TCF4: variants seen among roughly 807,000 people sequenced by gnomAD.
TCF4 encodes the protein transcription factor 4.
In TCF4, 3 loss-of-function variants were observed where a neutral mutation model predicts 82.1. That is an observed-to-expected ratio of 0.04 (90% CI 0.02 to 0.09). TCF4 has a LOEUF of 0.09. Among genes scored for constraint, TCF4 ranks in the 10% least tolerant of loss-of-function variants. TCF4 has a pLI of 1.00. For missense variants in TCF4, 518 were observed against 852.7 expected, an observed-to-expected ratio of 0.61 and a Z score of 4.89; for synonymous variants, 276 against 309.6, an observed-to-expected ratio of 0.89 and a Z score of 1.14.
At chr18:55,371,747 C>T (rs1170466183) in intron 6 of TCF4, among the ~76,000 whole-genome samples, 1 of 152,070 alleles carries the variant, frequency 6.6e-6, no homozygotes, top group Non-Finnish European at 1.5e-5. Flanking sequence ...GCACCTAGCA[C>T]GTGTCTCAAA....
chr18:55,489,455 C>T (rs190790685), intron 3 of TCF4, among the ~76,000 whole-genome samples: 281 of 152,132 alleles, frequency 1.8e-3, no homozygotes, highest in African/African-American at 5.8e-3. Context: ...AAGTACCAGG[C>T]GAGTATCAGG....
intron 8 of TCF4, among the ~76,000 whole-genome samples, chr18:55,296,951 A>G (rs956049522): frequency 2.0e-5 from 3 of 152,118 alleles, no homozygotes; most frequent in African/African-American, 7.2e-5. Context: ...AATGTCTCAT[A>G]CTATTTTTCA....
At chr18:55,409,932 T>C (rs1370631217) in intron 5 of TCF4, among the ~76,000 whole-genome samples, 1 of 152,202 alleles carries the variant, frequency 6.6e-6, no homozygotes, top group African/African-American at 2.4e-5. Flanking sequence ...AGAAGAGTAC[T>C]GGTTCTCTCC....
intron 3 of TCF4, among the ~76,000 whole-genome samples, chr18:55,545,823 A>G (rs1047655108): frequency 6.6e-6 from 1 of 152,222 alleles, no homozygotes; most frequent in Non-Finnish European, 1.5e-5. Context: ...AACAAGGGAT[A>G]CAGCAAAGAT....
At chr18:55,341,311 T>C (rs2079906356) in intron 8 of TCF4, among the ~76,000 whole-genome samples, 1 of 152,138 alleles carries the variant, frequency 6.6e-6, no homozygotes, top group Non-Finnish European at 1.5e-5. Flanking sequence ...TTTTTAAGTC[T>C]CTTGAATAAA....
intron 8 of TCF4, among the ~76,000 whole-genome samples, chr18:55,336,406 G>T (rs1377470180): frequency 6.6e-6 from 1 of 151,786 alleles, no homozygotes; most frequent in Non-Finnish European, 1.5e-5. Flanking sequence ...GTGCACGTGG[G>T]TCATTTTATG....
Position 55,582,218 on chromosome 18 carries a change from A to G in TCF4, c.145+3062T>C, listed in dbSNP as rs643638. On this transcript the variant is annotated intron_variant, in intron 3 of 19. Transcript: ENST00000354452. ...ATTTTCTTTTTTTGGTAACTTAGGT[A>G]TCCTACTTTTCAATGAGAATAATTT... Among the ~76,000 whole-genome samples the G allele has an allele frequency of 1.6e-3, 236 of 152,204 alleles. 1 individual carries two copies. Among genetic ancestry groups the G allele is most frequent in the African/African-American group, 5.6e-3 (231 of 41,556 alleles).
At chr18:55,605,132 C>A (rs1200462305) in intron 2 of TCF4, among the ~76,000 whole-genome samples, 1 of 152,146 alleles carries the variant, frequency 6.6e-6, no homozygotes, top group Non-Finnish European at 1.5e-5. Flanking sequence ...AGACTGGTAA[C>A]CCTGGCACCA....
chr18:55,273,262 G>GCATAAAGTGATGAAGGCAATGA (rs1434150832), intron 10 of TCF4, among the ~76,000 whole-genome samples: 1 of 152,094 alleles, frequency 6.6e-6, no homozygotes. Context: ...TTATAACATG[G>GCATAAAGTGATGAAGGCAATGA]CATAAAGTGA....
At chr18:55,588,629 C>T, upstream of TCF4, 4 of 1,441,772 alleles carry the variant, frequency 2.8e-6, no homozygotes, top group Non-Finnish European at 3.6e-6. Flanking sequence ...CATCCACACA[C>T]GGCAAAGCAA....
chr18:55,321,701 T>C (rs1173778389), intron 8 of TCF4: 3 of 1,535,930 alleles, frequency 2.0e-6, no homozygotes, highest in Admixed American at 2.0e-5. Context: ...CATCAAAGAG[T>C]TGCCGCCCAT....
At chr18:55,585,001 T>G (rs543372624) in intron 3 of TCF4, among the ~76,000 whole-genome samples, 41 of 152,328 alleles carry the variant, frequency 2.7e-4, no homozygotes, top group African/African-American at 9.9e-4. Context: ...TGGTCTTATC[T>G]TCATGTGTTT....
chr18:55,587,797 TAA>T (rs1044001801), intron 1 of TCF4, among the ~76,000 whole-genome samples: 22 of 123,762 alleles, frequency 1.8e-4, no homozygotes, highest in African/African-American at 6.4e-4. Context: ...TTATAAAAAT[TAA>T]AGTCAGGCCC....
chr18:55,408,814 C>G (rs2094212639), intron 5 of TCF4, among the ~76,000 whole-genome samples: 1 of 136,836 alleles, frequency 7.3e-6, no homozygotes, highest in South Asian at 2.2e-4. Context: ...GGTGTTTAAA[C>G]TCTGGGGGAA....
intron 2 of TCF4, among the ~76,000 whole-genome samples, chr18:55,603,053 G>T (rs1429275152): frequency 6.6e-6 from 1 of 152,154 alleles, no homozygotes; most frequent in Non-Finnish European, 1.5e-5. Flanking sequence ...ACTAGATTTA[G>T]AGTAATATAC....
At chr18:55,545,376 T>C (rs909947264) in intron 3 of TCF4, among the ~76,000 whole-genome samples, 1 of 152,238 alleles carries the variant, frequency 6.6e-6, no homozygotes, top group African/African-American at 2.4e-5. Context: ...CCTTGGCTCT[T>C]AAACTCAGCA....
At chr18:55,276,977 C>A (rs1568631321) in intron 9 of TCF4, among the ~76,000 whole-genome samples, 2 of 152,100 alleles carry the variant, frequency 1.3e-5, no homozygotes, top group African/African-American at 4.8e-5. Context: ...AAAATCATGT[C>A]TGTGATTTTG....
At chr18:55,494,281 T>C (rs1309605130) in intron 3 of TCF4, among the ~76,000 whole-genome samples, 1 of 148,224 alleles carries the variant, frequency 6.7e-6, no homozygotes, top group Admixed American at 6.7e-5. Context: ...AAACTGTACA[T>C]ATATTCTATT....
At position 55,297,896 on chromosome 18, in the gene TCF4, A is replaced by G. The variant is rs188419281; in HGVS notation, c.550-18240T>C. 1.1e-3 allele frequency among the ~76,000 whole-genome samples: 171 copies of G among 152,266 alleles called. 1 individual carries two copies. Among genetic ancestry groups the G allele is most frequent in the Admixed American group, 1.6e-3 (25 of 15,290 alleles). On this transcript the variant is annotated intron_variant, in intron 8 of 19. Coordinates refer to ENST00000354452, the MANE Select transcript of TCF4 (RefSeq NM_001083962.2). ...TAAAAAATAAGGTTTAAGACACTAT[A>G]TATTACATGTAGGAGGGCTTTTATC... is the stretch of plus-strand genomic sequence containing the variant.
Sources: gnomAD v4.1 joint callset for allele counts (sites outside exome capture counted in the v4.1 genomes callset) on GRCh38, gnomAD v4.1.1 for gene constraint, MANE v1.5 for transcripts, NCBI Gene and HGNC (gene_info 2026-07-23, HGNC 2026-07-21) for gene names.